Variants in TEAD1 observed in about 807,000 individuals in gnomAD.
The protein encoded by TEAD1 is TEA domain transcription factor 1, also known as transcriptional enhancer factor TEF-1.
Under a neutral mutation model 54.9 loss-of-function variants are expected in TEAD1, and 9 were observed. The observed-to-expected ratio is 0.16, with a 90% CI of 0.10 to 0.29. The LOEUF (loss-of-function observed/expected upper bound fraction) is 0.29, where lower values mean the gene tolerates loss of function less well. Ranked by LOEUF, TEAD1 falls within the 10% of genes least tolerant of loss-of-function variation. TEAD1 has a pLI of 1.00. For missense variants in TEAD1, 387 were observed against 535.9 expected (o/e 0.72, Z 2.74); for synonymous variants, 200 against 187.8 (o/e 1.07, Z -0.53).
At chr11:12,778,377 G>GT (rs1298223098) in intron 3 of TEAD1, among the ~76,000 whole-genome samples, 4 of 152,084 alleles carry the variant, frequency 2.6e-5, no homozygotes, top group East Asian at 1.9e-4. Flanking sequence ...CGTTCATCCT[G>GT]TTTTTTGCTT....
intron 3 of TEAD1, among the ~76,000 whole-genome samples, chr11:12,830,396 A>G (rs1020472766): frequency 2.6e-5 from 4 of 152,068 alleles, no homozygotes; most frequent in African/African-American, 9.7e-5. Flanking sequence ...AAACCTGGCT[A>G]CCTCTTTAGG....
intron 10 of TEAD1, among the ~76,000 whole-genome samples, chr11:12,921,441 G>A (rs998480294): frequency 6.6e-6 from 1 of 151,478 alleles, no homozygotes; most frequent in African/African-American, 2.4e-5. Flanking sequence ...TTGGGAGGCT[G>A]AGGCAGGAGA....
intron 2 of TEAD1, among the ~76,000 whole-genome samples, chr11:12,679,178 CT>C (rs1943163811): frequency 6.6e-6 from 1 of 152,076 alleles, no homozygotes; most frequent in South Asian, 2.1e-4. Context: ...AAAAACCTAT[CT>C]TTTTTCTACC....
intron 3 of TEAD1, among the ~76,000 whole-genome samples, chr11:12,793,600 T>G (rs1302891520): frequency 6.6e-6 from 1 of 152,228 alleles, no homozygotes; most frequent in Non-Finnish European, 1.5e-5. Context: ...ATTGACTGTT[T>G]TCACTTTTGT....
chr11:12,931,760 C>A (rs1949014306), intron 12 of TEAD1, among the ~76,000 whole-genome samples: 1 of 151,714 alleles, frequency 6.6e-6, no homozygotes, highest in Admixed American at 6.6e-5. Context: ...TAGGAGCCAG[C>A]TTCTATACAC....
At chr11:12,824,825 C>T (rs764855277) in intron 3 of TEAD1, among the ~76,000 whole-genome samples, 18 of 152,160 alleles carry the variant, frequency 1.2e-4, no homozygotes, top group Non-Finnish European at 1.0e-4. Context: ...GGAGCCTGTT[C>T]GGAAGCTGGC....
At chr11:12,861,003 T>C (rs1947488730) in intron 3 of TEAD1, among the ~76,000 whole-genome samples, 2 of 152,148 alleles carry the variant, frequency 1.3e-5, no homozygotes, top group South Asian at 2.1e-4. Flanking sequence ...TTCAGACTTG[T>C]TCTTGACCAA....
chr11:12,928,182 T>A lies in TEAD1; in HGVS notation c.1015-1992T>A, dbSNP rs138655237. ...AAACACCATAGCATTTCTGAAACAG[T>A]CTTACTTTGGATTTATTGTTGCATT... is the stretch of plus-strand genomic sequence containing the variant. On this transcript the variant is annotated intron_variant, in intron 11 of 12. Transcript: ENST00000527636. Among the ~76,000 whole-genome samples, 33 of 152,338 alleles carry A rather than the reference T, an allele frequency of 2.2e-4. 1 individual carries two copies. The highest frequency in any genetic ancestry group is 3.4e-3 in the Middle Eastern group (1 of 294).
Position 12,939,910 on chromosome 11 carries a change from A to C in TEAD1, c.*2688A>C, listed in dbSNP as rs562194382. The stretch of plus-strand genomic sequence containing the variant: ...AATCTGAGTCTGTCTTTTGTCCTTC[A>C]TTCTGTATGGCAGTCTCCCTTTGTT... On this transcript the variant is annotated 3_prime_UTR_variant, in exon 13 of 13. Coordinates refer to ENST00000527636, the MANE Select transcript of TEAD1 (RefSeq NM_021961.6). 6.6e-6 allele frequency: 1 copy of C among 152,216 alleles called. No homozygotes were observed. Among genetic ancestry groups the C allele is most frequent in the African/African-American group, 2.4e-5 (1 of 41,526 alleles). The allele number at this position is 152,216 out of a possible 1,614,324, so 9.4% of individuals were successfully genotyped here. A position where few individuals can be genotyped will look rare whatever the true frequency, so the allele number is the denominator to read the frequency against.
At chr11:12,880,867 G>A (rs912525166) in intron 6 of TEAD1, 138 bp from the exon 7 acceptor site, 29 of 951,500 alleles carry the variant, frequency 3.0e-5, no homozygotes, top group Middle Eastern at 2.3e-4. Flanking sequence ...AGTGGTGACC[G>A]CATTTGCACT....
intron 2 of TEAD1, among the ~76,000 whole-genome samples, chr11:12,728,842 T>G (rs1004645204): frequency 2.0e-5 from 3 of 152,246 alleles, no homozygotes; most frequent in African/African-American, 7.2e-5. Flanking sequence ...CCATGCTTTA[T>G]AAGAAAAAAC....
At chr11:12,833,980 T>C (rs1417401021) in intron 3 of TEAD1, among the ~76,000 whole-genome samples, 1 of 152,180 alleles carries the variant, frequency 6.6e-6, no homozygotes, top group Non-Finnish European at 1.5e-5. Flanking sequence ...CAGGCAGTTA[T>C]GTAAGGACTT....
chr11:12,935,476 T>TTTATTTA lies in TEAD1; in HGVS notation c.1168-1632_1168-1631insTATTTAT, dbSNP rs1554951557. Among the ~76,000 whole-genome samples, 463 of 136,362 alleles carry TTTATTTA rather than the reference T, an allele frequency of 3.4e-3. 4 individuals are homozygous for TTTATTTA. The highest frequency in any genetic ancestry group is 0.013 in the African/African-American group (446 of 35,040). The allele number at this position is 136,362 out of a possible 152,430, so 89.5% of individuals were successfully genotyped here. On this transcript the variant is annotated intron_variant, in intron 12 of 12. Coordinates refer to ENST00000527636, the MANE Select transcript of TEAD1 (RefSeq NM_021961.6). The stretch of plus-strand genomic sequence containing the variant: ...TATTTATTTATTTATTTATTTATTT[T>TTTATTTA]TGAGGTAGAGTCTTGCTCTGTTGCC...
chr11:12,785,095 T>C (rs1463472544), intron 3 of TEAD1, among the ~76,000 whole-genome samples: 1 of 152,196 alleles, frequency 6.6e-6, no homozygotes, highest in Non-Finnish European at 1.5e-5. Flanking sequence ...TTTGACACCC[T>C]AATGTGAGGA....
intron 2 of TEAD1, among the ~76,000 whole-genome samples, chr11:12,756,946 T>C (rs1254688955): frequency 1.3e-5 from 2 of 152,190 alleles, no homozygotes; most frequent in East Asian, 3.9e-4. Flanking sequence ...AAGCACCTTT[T>C]TTCCCCCCAG....
intron 3 of TEAD1, among the ~76,000 whole-genome samples, chr11:12,835,877 G>C (rs2134024506): frequency 6.6e-6 from 1 of 152,242 alleles, no homozygotes; most frequent in Admixed American, 6.5e-5. Context: ...CGGGTACAAA[G>C]TTTCAGTTAG....
At chr11:12,819,672 T>C (rs1240964562) in intron 3 of TEAD1, among the ~76,000 whole-genome samples, 7 of 152,060 alleles carry the variant, frequency 4.6e-5, no homozygotes, top group Non-Finnish European at 8.8e-5. Flanking sequence ...AGGATGGTCT[T>C]GATCTCCTGA....
chr11:12,902,665 C>T (rs760672794), intron 10 of TEAD1, among the ~76,000 whole-genome samples: 45 of 152,096 alleles, frequency 3.0e-4, no homozygotes, highest in Non-Finnish European at 4.6e-4. Flanking sequence ...GCTAGCGCTG[C>T]GAGTTTATGA....
At chr11:12,798,178 C>G (rs1032268263) in intron 3 of TEAD1, among the ~76,000 whole-genome samples, 1 of 152,086 alleles carries the variant, frequency 6.6e-6, no homozygotes, top group Admixed American at 6.5e-5. Context: ...TGTGGTTGGC[C>G]CCCGTTGCTG....
Sources: gnomAD v4.1 joint callset for allele counts (sites outside exome capture counted in the v4.1 genomes callset) on GRCh38, gnomAD v4.1.1 for gene constraint, MANE v1.5 for transcripts, NCBI Gene and HGNC (gene_info 2026-07-23, HGNC 2026-07-21) for gene names.